The following PLCH1 variants were observed in gnomAD, a reference collection of about 807,000 sequenced individuals.
PLCH1 encodes the protein 1-phosphatidylinositol 4,5-bisphosphate phosphodiesterase eta-1.
PLCH1 carries 60 observed loss-of-function variants against 126.7 expected under a neutral mutation model. The observed-to-expected ratio is 0.47, with a 90% CI of 0.38 to 0.59. The LOEUF is 0.59. Among genes scored for constraint, PLCH1 ranks in the 20% least tolerant of loss-of-function variants. PLCH1 has a pLI of 0.00. For synonymous variants in PLCH1, 719 were observed against 734.9 expected (o/e 0.98, Z 0.35); for missense variants, 1,723 against 2,040.0 (o/e 0.84, Z 2.99).
intron 9 of PLCH1, 28 bp from the exon 10 acceptor site, chr3:155,549,986 G>T: frequency 6.3e-7 from 1 of 1,586,098 alleles, no homozygotes. Flanking sequence ...CAGTCCAGAG[G>T]CGTCAGGTGC....
chr3:155,543,364 GC>G (rs1171350676), intron 10 of PLCH1, among the ~76,000 whole-genome samples: 1 of 152,140 alleles, frequency 6.6e-6, no homozygotes, highest in Non-Finnish European at 1.5e-5. Context: ...AATGAACAAA[GC>G]CTCCAAGAAA....
intron 2 of PLCH1, among the ~76,000 whole-genome samples, chr3:155,619,450 C>T (rs1362297600): frequency 1.3e-5 from 2 of 149,704 alleles, no homozygotes; most frequent in African/African-American, 4.9e-5. Context: ...CCATTATTTC[C>T]TTCACCAACA....
At chr3:155,709,560 C>T (rs1746934021) in intron 1 of PLCH1, among the ~76,000 whole-genome samples, 1 of 152,182 alleles carries the variant, frequency 6.6e-6, no homozygotes. Flanking sequence ...TTTTCATATG[C>T]TTGTTTGCCA....
chr3:155,465,734 GCCAGAGGGGAGCC>G (rs773244824), intron 21 of PLCH1, among the ~76,000 whole-genome samples: 29 of 152,198 alleles, frequency 1.9e-4, no homozygotes, highest in Non-Finnish European at 3.7e-4. Flanking sequence ...CCTGCCCTGG[GCCAGAGGGGAGCC>G]CAGTGCCCTA....
intron 17 of PLCH1, 24 bp from the exon 18 acceptor site, chr3:155,492,877 G>C (rs764969900): frequency 6.4e-6 from 10 of 1,550,416 alleles, no homozygotes; most frequent in Admixed American, 2.1e-5. Context: ...AGTATAAGTT[G>C]GTAACATAAG....
In PLCH1 at chr3:155,458,509, G is replaced by GAAAGA. The variant is rs1712574236; in HGVS notation, c.2938+26846_2938+26847insTCTTT. ...AAGAAAGAAAGAAAGAGAAAGAAGAGAGAGAAATAAGAAAGAGAAAGAAAG... is the reference window on the plus strand; with the variant it reads ...AAGAAAGAAAGAAAGAGAAAGAAGAGAAAGAAGAGAAATAAGAAAGAGAAAGAAAG... On this transcript the variant is annotated intron_variant, in intron 21 of 21. Transcript: ENST00000494598. 2.0e-5 allele frequency among the ~76,000 whole-genome samples: 2 copies of GAAAGA among 101,804 alleles called. 1 individual carries two copies. The highest frequency in any genetic ancestry group is 1.4e-4 in the African/African-American group (2 of 14,800). 66.8% of individuals were successfully genotyped at this position (101,804 alleles called of 152,430 possible). A position where few individuals can be genotyped will look rare whatever the true frequency, so the allele number is the denominator to read the frequency against.
At chr3:155,458,942 T>G (rs1408215380) in intron 21 of PLCH1, among the ~76,000 whole-genome samples, 1 of 152,170 alleles carries the variant, frequency 6.6e-6, no homozygotes, top group African/African-American at 2.4e-5. Flanking sequence ...TGTACCTCCA[T>G]AAAACAGTAG....
intron 21 of PLCH1, chr3:155,457,054 C>T (rs11927163): frequency 0.025 from 3,774 of 152,458 alleles, 70 homozygotes; most frequent in African/African-American, 0.042. Context: ...GATCCAAACA[C>T]GGCTGTTGCT....
chr3:155,695,752 C>T (rs1362252267), intron 2 of PLCH1, among the ~76,000 whole-genome samples: 1 of 152,238 alleles, frequency 6.6e-6, no homozygotes, highest in African/African-American at 2.4e-5. Context: ...GATCATAAAA[C>T]AGGACCTGAC....
intron 14 of PLCH1, among the ~76,000 whole-genome samples, chr3:155,499,760 C>T (rs1366481146): frequency 6.6e-6 from 1 of 152,202 alleles, no homozygotes; most frequent in African/African-American, 2.4e-5. Context: ...ACAACAGTCA[C>T]AGCAGAAGTC....
chr3:155,501,564 G>A (rs113604192), intron 13 of PLCH1, among the ~76,000 whole-genome samples: 23,436 of 151,958 alleles, frequency 0.15, 2,342 homozygotes, highest in African/African-American at 0.29. Flanking sequence ...GGGCTGAGGT[G>A]GGTGGATCAC....
intron 8 of PLCH1, among the ~76,000 whole-genome samples, chr3:155,555,102 C>G (rs753728805): frequency 1.3e-5 from 2 of 152,236 alleles, no homozygotes; most frequent in Non-Finnish European, 1.5e-5. Context: ...GTGCATAGCA[C>G]AGCATCCAAC....
chr3:155,570,106 C>A (rs551439154), intron 6 of PLCH1, among the ~76,000 whole-genome samples: 4 of 151,836 alleles, frequency 2.6e-5, no homozygotes, highest in African/African-American at 9.6e-5. Flanking sequence ...TGACTCTTTG[C>A]AAAATACAGT....
At chr3:155,630,587 C>G (rs2108809648) in intron 2 of PLCH1, among the ~76,000 whole-genome samples, 1 of 152,326 alleles carries the variant, frequency 6.6e-6, no homozygotes, top group Non-Finnish European at 1.5e-5. Flanking sequence ...ATTAACCCTT[C>G]CTTTGGCATA....
intron 2 of PLCH1, among the ~76,000 whole-genome samples, chr3:155,656,901 T>C (rs1013020353): frequency 7.9e-5 from 12 of 151,994 alleles, no homozygotes; most frequent in Non-Finnish European, 1.6e-4. Flanking sequence ...AAACCCAAGA[T>C]AATCAAAGAT....
At chr3:155,485,936 CT>C in intron 21 of PLCH1, 1 of 601,682 alleles carries the variant, frequency 1.7e-6, no homozygotes, top group Non-Finnish European at 2.9e-6. Context: ...TTACATCAAG[CT>C]TTCCCAGAAG....
chr3:155,544,836 C>G (rs2108416324), intron 10 of PLCH1, among the ~76,000 whole-genome samples: 2 of 151,400 alleles, frequency 1.3e-5, no homozygotes, highest in Admixed American at 1.3e-4. Flanking sequence ...TCTTTGAAAC[C>G]AACGAGAATA....
chr3:155,725,727 A>G (rs1748273071), intron 1 of PLCH1, among the ~76,000 whole-genome samples: 1 of 152,174 alleles, frequency 6.6e-6, no homozygotes, highest in African/African-American at 2.4e-5. Flanking sequence ...GGCATGAGAC[A>G]TCACTCCCAG....
At chr3:155,569,095 A>T (rs932693949) in intron 6 of PLCH1, among the ~76,000 whole-genome samples, 6 of 152,158 alleles carry the variant, frequency 3.9e-5, no homozygotes, top group African/African-American at 9.7e-5. Context: ...TTATTGAGTC[A>T]GTCTCAAATT....
Sources: allele counts gnomAD v4.1 joint callset (sites outside exome capture counted in the v4.1 genomes callset), GRCh38; gene constraint gnomAD v4.1.1; transcripts MANE v1.5; gene names NCBI Gene and HGNC (gene_info 2026-07-23, HGNC 2026-07-21).